Variants in TSPAN3 observed in about 807,000 individuals in gnomAD.
TSPAN3 encodes tetraspanin-3.
A neutral mutation model predicts 31.1 loss-of-function variants in TSPAN3; 9 were observed. The observed-to-expected ratio is 0.29, with a 90% CI of 0.17 to 0.50. TSPAN3 has a LOEUF of 0.50. Ranked by LOEUF, TSPAN3 falls within the 20% of genes least tolerant of loss-of-function variation. The pLI, the probability that TSPAN3 is intolerant of heterozygous loss-of-function variation, is 0.98. For missense variants in TSPAN3, 252 were observed against 313.5 expected (o/e 0.80, Z 1.48); for synonymous variants, 129 against 114.3 (o/e 1.13, Z -0.82).
chr15:77,060,344 G>A (rs1335129097), intron 1 of TSPAN3, among the ~76,000 whole-genome samples: 1 of 152,128 alleles, frequency 6.6e-6, no homozygotes, highest in Non-Finnish European at 1.5e-5. Context: ...ATCTTAAGCT[G>A]TATAATAAAC....
At chr15:77,047,057 A>T (rs1337840519) in intron 6 of TSPAN3, 130 bp from the exon 7 acceptor site, 1 of 634,694 alleles carries the variant, frequency 1.6e-6, no homozygotes, top group East Asian at 3.0e-5. Context: ...CAGTAACAAC[A>T]GTGATAGAAG....
chr15:77,048,573 A>G (rs763102355), intron 6 of TSPAN3, among the ~76,000 whole-genome samples: 3 of 152,230 alleles, frequency 2.0e-5, no homozygotes, highest in African/African-American at 7.2e-5. Context: ...TAAGCTCTAC[A>G]TAATAATTTC....
At chr15:77,053,868 A>G (rs2076750235) in intron 4 of TSPAN3, among the ~76,000 whole-genome samples, 1 of 151,592 alleles carries the variant, frequency 6.6e-6, no homozygotes, top group Admixed American at 6.6e-5. Flanking sequence ...GTCAATCTGG[A>G]CTCCCACCTT....
intron 3 of TSPAN3, 38 bp downstream of exon 3, chr15:77,055,751 C>T (rs1373945546): frequency 1.3e-6 from 2 of 1,517,730 alleles, no homozygotes; most frequent in Non-Finnish European, 1.8e-6. Context: ...CTTAAACCAC[C>T]TTTTAAGGCA....
intron 1 of TSPAN3, among the ~76,000 whole-genome samples, chr15:77,057,313 T>A (rs2076774522): frequency 6.6e-6 from 1 of 152,236 alleles, no homozygotes; most frequent in Non-Finnish European, 1.5e-5. Context: ...AAGTATTTCA[T>A]CATCCTTTAA....
intron 1 of TSPAN3, among the ~76,000 whole-genome samples, chr15:77,066,568 T>A (rs1175592199): frequency 7.5e-5 from 4 of 53,444 alleles, no homozygotes; most frequent in Non-Finnish European, 1.2e-4. Flanking sequence ...TAAGACTTCG[T>A]CTCAAAAAAA....
intron 1 of TSPAN3, among the ~76,000 whole-genome samples, chr15:77,061,560 TA>T (rs1265601196): frequency 6.6e-6 from 1 of 152,032 alleles, no homozygotes; most frequent in Non-Finnish European, 1.5e-5. Context: ...TTAAAATCTG[TA>T]AAACTATTAA....
intron 1 of TSPAN3, among the ~76,000 whole-genome samples, chr15:77,061,217 G>A (rs1433941080): frequency 6.6e-6 from 1 of 152,096 alleles, no homozygotes; most frequent in East Asian, 1.9e-4. Flanking sequence ...TTCTATGAAA[G>A]AGACAAGTAG....
intron 1 of TSPAN3, among the ~76,000 whole-genome samples, chr15:77,060,811 T>G (rs2076796062): frequency 6.6e-6 from 1 of 152,162 alleles, no homozygotes; most frequent in Non-Finnish European, 1.5e-5. Context: ...TAAGGAGGAT[T>G]TGTGCCAGGA....
chr15:77,047,920 G>C (rs751910494), intron 6 of TSPAN3, among the ~76,000 whole-genome samples: 35 of 152,172 alleles, frequency 2.3e-4, no homozygotes, highest in Admixed American at 2.6e-4. Flanking sequence ...CTCAAAGTTT[G>C]AAGTGGAAGA....
intron 1 of TSPAN3, chr15:77,063,546 A>G (rs1489909351): frequency 1.3e-5 from 2 of 152,184 alleles, no homozygotes; most frequent in East Asian, 1.9e-4. Context: ...CACTTTTGCC[A>G]TCAACATCAC....
chr15:77,061,852 T>C (rs1437530097), intron 1 of TSPAN3, among the ~76,000 whole-genome samples: 2 of 152,242 alleles, frequency 1.3e-5, no homozygotes, highest in Non-Finnish European at 2.9e-5. Flanking sequence ...CAAGGCACCA[T>C]CTGGACTTTA....
At chr15:77,068,404 C>CA (rs1457236800) in intron 1 of TSPAN3, 1 of 152,288 alleles carries the variant, frequency 6.6e-6, no homozygotes, top group East Asian at 1.9e-4. Context: ...TCCAAAGATT[C>CA]AGAGGAGTCA....
At chr15:77,069,541 T>G (rs1419081993) in intron 1 of TSPAN3, among the ~76,000 whole-genome samples, 1 of 152,216 alleles carries the variant, frequency 6.6e-6, no homozygotes, top group African/African-American at 2.4e-5. Context: ...GAAATGCCAA[T>G]GTCGCCTGGG....
intron 1 of TSPAN3, among the ~76,000 whole-genome samples, chr15:77,060,553 T>C (rs181317806): frequency 1.4e-4 from 22 of 152,302 alleles, no homozygotes; most frequent in Non-Finnish European, 2.8e-4. Context: ...CATAGGGACT[T>C]TGTCATCCCT....
chr15:77,068,668 A>AT (rs1352022661), intron 1 of TSPAN3, among the ~76,000 whole-genome samples: 4 of 152,110 alleles, frequency 2.6e-5, no homozygotes, highest in Non-Finnish European at 5.9e-5. Flanking sequence ...CCTGAAAATT[A>AT]TTTTTCCTTT....
At chr15:77,058,661 T>C (rs953208379) in intron 1 of TSPAN3, among the ~76,000 whole-genome samples, 5 of 152,222 alleles carry the variant, frequency 3.3e-5, no homozygotes, top group African/African-American at 1.2e-4. Flanking sequence ...AGAACAGTAC[T>C]TGGCAGACAG....
intron 1 of TSPAN3, among the ~76,000 whole-genome samples, chr15:77,070,492 G>A (rs1257564806): frequency 6.6e-6 from 1 of 152,124 alleles, no homozygotes; most frequent in Non-Finnish European, 1.5e-5. Context: ...GACAAAGAGC[G>A]CGGAACCTGA....
At chr15:77,049,992 G>A (rs757011818) in intron 6 of TSPAN3, among the ~76,000 whole-genome samples, 21 of 152,130 alleles carry the variant, frequency 1.4e-4, no homozygotes, top group Non-Finnish European at 7.4e-5. Flanking sequence ...CTGTGTGATG[G>A]TCATGCCACA....
Sources: gnomAD v4.1 joint callset for allele counts (sites outside exome capture counted in the v4.1 genomes callset) on GRCh38, gnomAD v4.1.1 for gene constraint, MANE v1.5 for transcripts, NCBI Gene and HGNC (gene_info 2026-07-23, HGNC 2026-07-21) for gene names.